Variants in CDKL5 observed in about 807,000 individuals in gnomAD.
CDKL5 encodes cyclin-dependent kinase-like 5.
A neutral mutation model predicts 61.7 loss-of-function variants in CDKL5; 8 were observed. That is an observed-to-expected ratio of 0.13 (90% CI 0.08 to 0.23). The LOEUF is 0.23. CDKL5 is among the 10% of genes least tolerant of loss of function. The pLI, the probability that CDKL5 is intolerant of heterozygous loss-of-function variation, is 1.00. For synonymous variants in CDKL5, 275 were observed against 272.3 expected, an observed-to-expected ratio of 1.01 and a Z score of -0.10; for missense variants, 440 against 734.5, an observed-to-expected ratio of 0.60 and a Z score of 4.63.
chrX:18,604,947 C>T, intron 12 of CDKL5, 79 bp downstream of exon 12: 1 of 1,078,265 alleles, frequency 9.3e-7, no homozygotes, highest in Non-Finnish European at 1.3e-6. Context: ...GGTCCATCTA[C>T]TATTTTCCCT....
intron 1 of CDKL5, among the ~76,000 whole-genome samples, chrX:18,436,897 CAA>C (rs60845430): frequency 9.8e-3 from 155 of 15,764 alleles, no homozygotes; most frequent in South Asian, 0.017. Context: ...ACTCTTGACT[CAA>C]AAAAAAAAAA....
chrX:18,601,437 A>T (rs1926175464), intron 11 of CDKL5, among the ~76,000 whole-genome samples: 1 of 112,718 alleles, frequency 8.9e-6, no homozygotes, highest in African/African-American at 3.2e-5. Context: ...TGTATGTAAA[A>T]TTTTTTTAAC....
rs779393382 is a variant in CDKL5 at position 18,637,872 on chromosome X, T to A, written c.*9115T>A. ...TCAGGAAATTGAGAAGGAATGTCAC[T>A]GAATCTTTAATGCCAGTTACACAGA... On this transcript the variant is annotated 3_prime_UTR_variant, in exon 18 of 18. Coordinates refer to ENST00000623535, the MANE Select transcript of CDKL5 (RefSeq NM_001323289.2). 6 of 112,407 alleles carry A rather than the reference T, an allele frequency of 5.3e-5. No homozygotes were observed. The highest frequency in any genetic ancestry group is 7.4e-4 in the South Asian group (2 of 2,696). The allele number at this position is 112,407 out of a possible 1,213,427, so 9.3% of individuals were successfully genotyped here.
At chrX:18,489,259 CAG>C (rs1198729203) in intron 1 of CDKL5, among the ~76,000 whole-genome samples, 1 of 111,204 alleles carries the variant, frequency 9.0e-6, no homozygotes, top group East Asian at 2.8e-4. Context: ...GGGGTGGGGA[CAG>C]GGGATTCTCC....
chrX:18,575,991 G>C (rs973152666), intron 5 of CDKL5, among the ~76,000 whole-genome samples: 2 of 112,166 alleles, frequency 1.8e-5, no homozygotes, highest in African/African-American at 6.5e-5. Flanking sequence ...AGATGAGACC[G>C]TAAAAGAAAA....
intron 1 of CDKL5, among the ~76,000 whole-genome samples, chrX:18,462,564 T>C (rs1187126522): frequency 1.8e-5 from 2 of 111,191 alleles, no homozygotes; most frequent in Non-Finnish European, 3.8e-5. Context: ...AGAAGGGAAG[T>C]TATGAGAACA....
At chrX:18,642,722 C>T (rs1927627833), downstream of CDKL5, among the ~76,000 whole-genome samples, 1 of 112,480 alleles carries the variant, frequency 8.9e-6, no homozygotes, top group African/African-American at 3.2e-5. Context: ...ACCTTTCCAA[C>T]TTGGAAAATG....
At chrX:18,600,519 A>G (rs1018320830) in intron 11 of CDKL5, among the ~76,000 whole-genome samples, 3 of 112,178 alleles carry the variant, frequency 2.7e-5, no homozygotes, top group African/African-American at 6.5e-5. Context: ...CCAATGATAT[A>G]AAGTCCAGTA....
chrX:18,625,728 A>G (rs1420570114), intron 17 of CDKL5, among the ~76,000 whole-genome samples: 2 of 112,106 alleles, frequency 1.8e-5, no homozygotes, highest in Non-Finnish European at 3.8e-5. Flanking sequence ...TTGACAGGAA[A>G]CAGGCAAACA....
At chrX:18,594,750 A>G (rs1485153975) in intron 9 of CDKL5, among the ~76,000 whole-genome samples, 1 of 112,721 alleles carries the variant, frequency 8.9e-6, no homozygotes, top group Non-Finnish European at 1.9e-5. Flanking sequence ...ATGATATTCT[A>G]TTTTACTGCA....
chrX:18,464,021 TTTTG>T (rs1408230750), intron 1 of CDKL5, among the ~76,000 whole-genome samples: 2 of 109,410 alleles, frequency 1.8e-5, no homozygotes, highest in Admixed American at 9.8e-5. Flanking sequence ...TTTTTTTTGT[TTTTG>T]TTTTTGTTTT....
rs191603942 is a variant in CDKL5 at position 18,461,793 on chromosome X, A to G, written c.-163+36098A>G. ...CTAGGCATCTCCATGTCCAAAGACC[A>G]ATGAGAATGAATCTCCTAACCTCTT... On this transcript the variant is annotated intron_variant, in intron 1 of 17. Coordinates refer to ENST00000623535, the MANE Select transcript of CDKL5 (RefSeq NM_001323289.2). Among the ~76,000 whole-genome samples the G allele has an allele frequency of 4.1e-3, 456 of 112,461 alleles. 2 individuals carry two copies. Among genetic ancestry groups the G allele is most frequent in the African/African-American group, 0.014 (443 of 31,031 alleles).
chrX:18,520,702 A>G (rs1013181263), intron 3 of CDKL5, among the ~76,000 whole-genome samples: 3 of 111,581 alleles, frequency 2.7e-5, no homozygotes, highest in Non-Finnish European at 5.7e-5. Context: ...GCAATGTATG[A>G]GAGTTCCAAT....
intron 1 of CDKL5, among the ~76,000 whole-genome samples, chrX:18,477,802 A>G (rs1440489224): frequency 1.8e-5 from 2 of 112,318 alleles, no homozygotes; most frequent in Non-Finnish European, 3.8e-5. Flanking sequence ...TGTTAAAATG[A>G]TAACTTTATA....
intron 3 of CDKL5, among the ~76,000 whole-genome samples, chrX:18,553,270 A>G (rs1924462065): frequency 9.0e-6 from 1 of 111,264 alleles, no homozygotes; most frequent in Non-Finnish European, 1.9e-5. Context: ...AGATGCAGAA[A>G]TGGTTAGGCA....
chrX:18,499,037 C>A, intron 1 of CDKL5, among the ~76,000 whole-genome samples: 1 of 112,002 alleles, frequency 8.9e-6, no homozygotes. Context: ...TCCCAAAATA[C>A]TGGGATTACA....
At chrX:18,554,446 C>T (rs1400291623) in intron 3 of CDKL5, among the ~76,000 whole-genome samples, 1 of 93,713 alleles carries the variant, frequency 1.1e-5, no homozygotes, top group African/African-American at 4.0e-5. Flanking sequence ...GACAGAGTCT[C>T]ACTCTGTCGC....
intron 9 of CDKL5, among the ~76,000 whole-genome samples, chrX:18,590,580 T>C (rs1193627069): frequency 8.9e-6 from 1 of 112,025 alleles, no homozygotes; most frequent in Non-Finnish European, 1.9e-5. Context: ...ATCTTTTTTA[T>C]CTCCTGCTTT....
intron 1 of CDKL5, among the ~76,000 whole-genome samples, chrX:18,451,372 A>T (rs1039080204): frequency 1.8e-5 from 2 of 109,731 alleles, no homozygotes; most frequent in Non-Finnish European, 3.8e-5. Context: ...TTGTATTTTT[A>T]GTAGAGGCGG....
Sources: allele counts gnomAD v4.1 joint callset (sites outside exome capture counted in the v4.1 genomes callset), GRCh38; gene constraint gnomAD v4.1.1; transcripts MANE v1.5; gene names NCBI Gene and HGNC (gene_info 2026-07-23, HGNC 2026-07-21).